Variants in CDKAL1 observed in about 807,000 individuals in gnomAD.
CDKAL1 encodes the protein threonylcarbamoyladenosine tRNA methylthiotransferase.
Under a neutral mutation model 68.2 loss-of-function variants are expected in CDKAL1, and 32 were observed. The observed-to-expected ratio is 0.47, with a 90% confidence interval of 0.35 to 0.63. The LOEUF is 0.63. Ranked by LOEUF, CDKAL1 falls within the 30% of genes least tolerant of loss-of-function variation. The pLI is 0.00. For synonymous variants in CDKAL1, 234 were observed against 244.3 expected (o/e 0.96, Z 0.39); for missense variants, 606 against 696.7 (o/e 0.87, Z 1.47).
Position 20,546,150 on chromosome 6 carries a change from T to C in CDKAL1, c.-5-196T>C, listed in dbSNP as rs576158273. On this transcript the variant is annotated intron_variant, in intron 2 of 15. Coordinates refer to ENST00000274695, the MANE Select transcript of CDKAL1 (RefSeq NM_017774.3). ...TGTCATTAGGGTTTTGTCTGATTGT[T>C]TCATTGTGTTTCTTTTTTCAATATA... Among the ~76,000 whole-genome samples the C allele has an allele frequency of 5.2e-4, 77 of 146,958 alleles. 1 individual carries two copies. The highest frequency in any genetic ancestry group is 1.8e-3 in the African/African-American group (74 of 41,322).
intron 5 of CDKAL1, among the ~76,000 whole-genome samples, chr6:20,685,763 C>T (rs577521941): frequency 1.1e-4 from 17 of 152,168 alleles, no homozygotes; most frequent in Non-Finnish European, 2.2e-4. Flanking sequence ...GTTCTTAAAA[C>T]GTTTTTATAG....
intron 9 of CDKAL1, among the ~76,000 whole-genome samples, chr6:20,951,865 T>C (rs1764539074): frequency 6.6e-6 from 1 of 152,176 alleles, no homozygotes; most frequent in Non-Finnish European, 1.5e-5. Context: ...TTTCTTTTTT[T>C]GCATGTATTT....
In CDKAL1 at chr6:20,984,576, C is replaced by T. The variant is rs551937355; in HGVS notation, c.910-15651C>T. Among the ~76,000 whole-genome samples the T allele has an allele frequency of 1.6e-3, 240 of 152,172 alleles. 1 individual carries two copies. Among genetic ancestry groups the T allele is most frequent in the South Asian group, 2.3e-3 (11 of 4,810 alleles). On this transcript the variant is annotated intron_variant, in intron 10 of 15. Transcript: ENST00000274695. ...TCCAGGAGGAATGAGGTTGCATGAT[C>T]GAATTAGAGATGGTAAATGCAGAGG...
chr6:20,710,055 T>C (rs1401770377), intron 5 of CDKAL1, among the ~76,000 whole-genome samples: 1 of 152,148 alleles, frequency 6.6e-6, no homozygotes, highest in African/African-American at 2.4e-5. Flanking sequence ...ATAAATAAAT[T>C]TCTAAAGACT....
chr6:20,967,869 T>C (rs1296915832), intron 10 of CDKAL1, among the ~76,000 whole-genome samples: 1 of 152,202 alleles, frequency 6.6e-6, no homozygotes, highest in Non-Finnish European at 1.5e-5. Context: ...GAGCAGCTTC[T>C]CTGGATACAG....
At chr6:20,898,972 G>A (rs1041328408) in intron 9 of CDKAL1, among the ~76,000 whole-genome samples, 1 of 151,864 alleles carries the variant, frequency 6.6e-6, no homozygotes, top group Non-Finnish European at 1.5e-5. Flanking sequence ...AGAGTCAGGG[G>A]GCTGCGTGAC....
Position 20,543,832 on chromosome 6 carries a change from G to A in CDKAL1, c.-5-2514G>A, listed in dbSNP as rs112566863. ...GCTTACTGCAACCTCTGCCTTGTGG[G>A]TTCAAGCAATTCTCCTGCCTCAGCC... On this transcript the variant is annotated intron_variant, in intron 2 of 15. Transcript: ENST00000274695. Among the ~76,000 whole-genome samples the A allele has an allele frequency of 5.9e-3, 892 of 150,086 alleles. 9 individuals are homozygous for A. Among genetic ancestry groups the A allele is most frequent in the African/African-American group, 0.02 (826 of 40,520 alleles).
intron 9 of CDKAL1, among the ~76,000 whole-genome samples, chr6:20,851,654 C>G (rs934910535): frequency 6.6e-6 from 1 of 151,710 alleles, no homozygotes; most frequent in Non-Finnish European, 1.5e-5. Flanking sequence ...ATGAAATATT[C>G]AGAACAGGGA....
At position 20,626,627 on chromosome 6, in the gene CDKAL1, T is replaced by G. The variant is rs114132380; in HGVS notation, c.287-22666T>G. ...ACAGAATACCCAATCGATAGTGACT[T>G]AAACTAATGAGGATTCATTTTTACA... is the stretch of plus-strand genomic sequence containing the variant. On this transcript the variant is annotated intron_variant, in intron 4 of 15. Transcript: ENST00000274695. 2.8e-3 allele frequency among the ~76,000 whole-genome samples: 428 copies of G among 152,306 alleles called. 4 individuals are homozygous for G. Among genetic ancestry groups the G allele is most frequent in the African/African-American group, 9.6e-3 (401 of 41,572 alleles).
At chr6:20,886,328 A>T (rs1761065278) in intron 9 of CDKAL1, among the ~76,000 whole-genome samples, 1 of 152,178 alleles carries the variant, frequency 6.6e-6, no homozygotes, top group Non-Finnish European at 1.5e-5. Flanking sequence ...AAACAATGTG[A>T]CTGTTTCTTA....
chr6:20,949,869 A>C (rs1764436617), intron 9 of CDKAL1, among the ~76,000 whole-genome samples: 1 of 152,120 alleles, frequency 6.6e-6, no homozygotes, highest in Non-Finnish European at 1.5e-5. Context: ...AGTTTACTGC[A>C]TCCCCCACCT....
chr6:20,956,380 G>A (rs1393774272), intron 10 of CDKAL1, among the ~76,000 whole-genome samples: 1 of 152,152 alleles, frequency 6.6e-6, no homozygotes, highest in African/African-American at 2.4e-5. Flanking sequence ...GTAAATATGA[G>A]CAAAGAATAT....
In CDKAL1 at chr6:21,000,287, T is replaced by G. The variant is rs767706530; in HGVS notation, c.970T>G (p.Ser324Ala). 6.2e-7 allele frequency: 1 copy of G among 1,613,976 alleles called. No homozygotes were observed. The highest frequency in any genetic ancestry group is 1.1e-5 in the South Asian group (1 of 91,074). ...CGCTTTTCTGCACATACCAGTCCAG[T>G]CTGCCTCCGACAGCGTACTCATGGA... ...VYAFLHIPVQSASDSVLMEMK... is the reference protein window; with the variant it reads ...VYAFLHIPVQAASDSVLMEMK... The change falls in exon 11 of 16, where the codon TCT (serine) becomes GCT (alanine). Residue 324 changes from serine (S) to alanine (A), a missense_variant. Coordinates refer to ENST00000274695, the MANE Select transcript of CDKAL1 (RefSeq NM_017774.3).
At position 20,786,819 on chromosome 6, in the gene CDKAL1, G is replaced by A. The variant is rs926551997; in HGVS notation, c.638+5554G>A. On this transcript the variant is annotated intron_variant, in intron 8 of 15. Transcript: ENST00000274695. Reference sequence around the variant, plus strand: ...CTTGACTCCCTTATTTTTTCTAGCAGTGGGAATACGGTGTGGAGACGGGTA... The same window carrying A: ...CTTGACTCCCTTATTTTTTCTAGCAATGGGAATACGGTGTGGAGACGGGTA... Among the ~76,000 whole-genome samples the A allele has an allele frequency of 5.9e-5, 9 of 152,154 alleles. No homozygotes were observed. In the South Asian group the frequency reaches 8.3e-4, roughly 14 times the overall value.
intron 5 of CDKAL1, among the ~76,000 whole-genome samples, chr6:20,659,178 T>TA (rs1052672084): frequency 1.3e-5 from 2 of 152,140 alleles, no homozygotes; most frequent in African/African-American, 2.4e-5. Context: ...CATTAGAAGG[T>TA]AAAAAATCAC....
At chr6:20,820,049 G>A (rs1341109632) in intron 8 of CDKAL1, among the ~76,000 whole-genome samples, 1 of 152,126 alleles carries the variant, frequency 6.6e-6, no homozygotes, top group South Asian at 2.1e-4. Context: ...GAAGTCTCGT[G>A]TGTAACCTAC....
At position 20,739,896 on chromosome 6, in the gene CDKAL1, T is replaced by C. The variant is rs567972379; in HGVS notation, c.468+281T>C. On this transcript the variant is annotated intron_variant, in intron 6 of 15. Transcript: ENST00000274695. ...TAATAACCCGGTCTTTGGCTGTCTG[T>C]TACCATCGCTTTCCAAGTCATTACA... Among the ~76,000 whole-genome samples the C allele has an allele frequency of 2.0e-5, 3 of 152,342 alleles. No individual in the cohort carries two copies. The South Asian group carries it at 6.2e-4, about 32-fold the overall frequency.
At chr6:21,107,650 T>G (rs1773915505) in intron 12 of CDKAL1, among the ~76,000 whole-genome samples, 1 of 152,082 alleles carries the variant, frequency 6.6e-6, no homozygotes, top group Admixed American at 6.5e-5. Flanking sequence ...CAAGCTGGTC[T>G]CGAACTCCTG....
At chr6:21,013,461 C>T (rs988340380) in intron 11 of CDKAL1, among the ~76,000 whole-genome samples, 3 of 152,206 alleles carry the variant, frequency 2.0e-5, no homozygotes, top group East Asian at 1.9e-4. Context: ...CCATAATAAT[C>T]GCAGAGTAAA....
Sources: allele counts gnomAD v4.1 joint callset (sites outside exome capture counted in the v4.1 genomes callset), GRCh38; gene constraint gnomAD v4.1.1; transcripts MANE v1.5; gene names NCBI Gene and HGNC (gene_info 2026-07-23, HGNC 2026-07-21).